NRG1: variants seen among roughly 807,000 people sequenced by gnomAD.
The protein encoded by NRG1 is neuregulin 1.
A neutral mutation model predicts 63.8 loss-of-function variants in NRG1; 18 were observed. The observed-to-expected ratio is 0.28, with a 90% CI of 0.19 to 0.42. NRG1 has a LOEUF of 0.42. NRG1 is among the 10% of genes least tolerant of loss of function. The pLI, the probability that NRG1 is intolerant of heterozygous loss-of-function variation, is 1.00. For missense variants in NRG1, 762 were observed against 814.7 expected (o/e 0.94, Z 0.79); for synonymous variants, 302 against 301.3 (o/e 1.00, Z -0.02).
chr8:32,384,056 G>A (rs1228155270), intron 1 of NRG1, among the ~76,000 whole-genome samples: 1 of 152,118 alleles, frequency 6.6e-6, no homozygotes, highest in Non-Finnish European at 1.5e-5. Flanking sequence ...GCAACATAGG[G>A]AGAACTTGTC....
rs542481707 is a variant in NRG1 at position 32,559,602 on chromosome 8, T to C, written c.100+10776T>C. ...TCTTTTCAATTAGATTCAAAAAGTA[T>C]CAATACATTATTATACTTTAAATTG... On this transcript the variant is annotated intron_variant, in intron 1 of 11. Coordinates refer to ENST00000356819, the Ensembl canonical transcript of NRG1. Among the ~76,000 whole-genome samples, 4 of 152,284 alleles carry C rather than the reference T, an allele frequency of 2.6e-5. No homozygotes were observed. In the South Asian group the frequency reaches 8.3e-4, roughly 32 times the overall value.
intron 1 of NRG1, among the ~76,000 whole-genome samples, chr8:32,429,631 T>G (rs1052475812): frequency 2.0e-5 from 3 of 152,198 alleles, no homozygotes; most frequent in African/African-American, 7.2e-5. Context: ...TTTGAATAAT[T>G]TTTCCTCCTT....
chr8:32,177,625 T>C (rs1279609615), intron 1 of NRG1, among the ~76,000 whole-genome samples: 2 of 151,934 alleles, frequency 1.3e-5, no homozygotes, highest in Admixed American at 1.3e-4. Context: ...CTCCCACTTA[T>C]GAGTGAGAAC....
chr8:32,429,668 C>T (rs748627265), intron 1 of NRG1, among the ~76,000 whole-genome samples: 3 of 152,062 alleles, frequency 2.0e-5, no homozygotes, highest in Non-Finnish European at 2.9e-5. Flanking sequence ...TTGATACTTA[C>T]GCATGGGCAA....
Position 32,462,931 on chromosome 8 carries a change from A to G in NRG1, c.38-132897A>G, listed in dbSNP as rs940005541. ...GACATACAGATTCTACATGATTACA[A>G]GTTTGTTCCCTCTCATCTACTTTCC... On this transcript the variant is annotated intron_variant, in intron 1 of 10. Transcript: ENST00000519301. Among the ~76,000 whole-genome samples, 16 of 151,710 alleles carry G rather than the reference A, an allele frequency of 1.1e-4. 1 individual carries two copies. The highest frequency in any genetic ancestry group is 1.5e-4 in the Non-Finnish European group (10 of 67,918).
chr8:31,649,713 T>C (rs1342940137), intron 1 of NRG1, among the ~76,000 whole-genome samples: 1 of 152,202 alleles, frequency 6.6e-6, no homozygotes, highest in African/African-American at 2.4e-5. Flanking sequence ...CAATGAAAGA[T>C]GTAAAGAATA....
chr8:32,471,247 A>G (rs1163830786), intron 1 of NRG1, among the ~76,000 whole-genome samples: 1 of 152,246 alleles, frequency 6.6e-6, no homozygotes, highest in Non-Finnish European at 1.5e-5. Context: ...TGTTTCAACA[A>G]CAATAAGATT....
intron 1 of NRG1, among the ~76,000 whole-genome samples, chr8:31,972,168 C>T (rs1586174811): frequency 6.6e-6 from 1 of 152,176 alleles, no homozygotes; most frequent in Non-Finnish European, 1.5e-5. Context: ...TCAGAGGCTT[C>T]TCCCCTTGAG....
At chr8:32,548,136 C>T, upstream of NRG1, 6 of 826,346 alleles carry the variant, frequency 7.3e-6, no homozygotes, top group Non-Finnish European at 8.8e-6. Context: ...CGCCCGGGAG[C>T]GCCGAGCCCA....
chr8:32,106,130 T>C lies in NRG1; in HGVS notation c.37+466699T>C, dbSNP rs114788545. ...AACAAACAGATGACTGCTTTAGACA[T>C]ATTTGGTCTGTAAACACCTGTGGAA... On this transcript the variant is annotated intron_variant, in intron 1 of 10. Coordinates refer to the NRG1 transcript ENST00000519301. Among the ~76,000 whole-genome samples the C allele has an allele frequency of 6.7e-3, 1,027 of 152,322 alleles. 10 individuals carry two copies. The highest frequency in any genetic ancestry group is 0.021 in the African/African-American group (890 of 41,574).
chr8:32,317,449 G>C (rs1857532462), intron 1 of NRG1, among the ~76,000 whole-genome samples: 2 of 152,176 alleles, frequency 1.3e-5, no homozygotes, highest in South Asian at 4.1e-4. Context: ...CGAGGAAGAA[G>C]AATTTTCTCA....
chr8:32,759,125 T>C (rs1050024193), intron 9 of NRG1, among the ~76,000 whole-genome samples, 181 bp from the exon 10 acceptor site: 2 of 152,136 alleles, frequency 1.3e-5, no homozygotes, highest in Non-Finnish European at 2.9e-5. Flanking sequence ...AAAGCCACAG[T>C]AGCCAGGACA....
At chr8:32,036,400 A>G (rs192350405) in intron 1 of NRG1, among the ~76,000 whole-genome samples, 113 of 152,126 alleles carry the variant, frequency 7.4e-4, no homozygotes, top group Non-Finnish European at 3.5e-4. Flanking sequence ...TCTAATGACT[A>G]TGTGTCTTGG....
chr8:31,674,972 G>T (rs1404359754), intron 1 of NRG1, among the ~76,000 whole-genome samples: 1 of 152,188 alleles, frequency 6.6e-6, no homozygotes, highest in Non-Finnish European at 1.5e-5. Context: ...AGAGGTGGAG[G>T]CCCAGCCTGA....
At chr8:32,064,590 A>T (rs1297978708) in intron 1 of NRG1, among the ~76,000 whole-genome samples, 1 of 152,152 alleles carries the variant, frequency 6.6e-6, no homozygotes, top group African/African-American at 2.4e-5. Context: ...TATTATTAAC[A>T]GCTTGGTAAG....
intron 1 of NRG1, among the ~76,000 whole-genome samples, chr8:32,039,844 C>A (rs1360448329): frequency 6.6e-6 from 1 of 151,676 alleles, no homozygotes; most frequent in African/African-American, 2.4e-5. Context: ...TAAACCAAGA[C>A]CTTATCGCTA....
intron 1 of NRG1, among the ~76,000 whole-genome samples, chr8:31,830,639 C>T (rs1825053115): frequency 6.6e-6 from 1 of 152,118 alleles, no homozygotes; most frequent in Non-Finnish European, 1.5e-5. Flanking sequence ...GGCCTTGGCT[C>T]TATTCTCAGC....
rs1823998970 is a variant in NRG1 at position 32,472,635 on chromosome 8, ACT to A, written c.38-123190_38-123189del. Among the ~76,000 whole-genome samples the A allele has an allele frequency of 2.6e-5, 4 of 152,160 alleles. No individual in the cohort carries two copies. In the South Asian group the frequency reaches 8.3e-4, roughly 32 times the overall value. On this transcript the variant is annotated intron_variant, in intron 1 of 10. Transcript: ENST00000519301. ...GTCTTCTACAAGTCCTGTTTTGGTG[ACT>A]CTGAGCAAGTCTTAACCTTGCCTAC... is the stretch of plus-strand genomic sequence containing the variant.
Position 32,686,928 on chromosome 8 carries a change from G to A in NRG1, c.503-41021G>A, listed in dbSNP as rs375378848. Among the ~76,000 whole-genome samples, 5 of 152,216 alleles carry A rather than the reference G, an allele frequency of 3.3e-5. No individual in the cohort carries two copies. The East Asian group carries it at 5.8e-4, about 18-fold the overall frequency. The stretch of plus-strand genomic sequence containing the variant: ...GGAGGTGTAGCCTGCTAGCATTGAA[G>A]TTAGGAACTGATTTGAATTAACCCA... On this transcript the variant is annotated intron_variant, in intron 5 of 11. Coordinates refer to ENST00000356819, the Ensembl canonical transcript of NRG1.
Sources: gnomAD v4.1 joint callset for allele counts (sites outside exome capture counted in the v4.1 genomes callset) on GRCh38, gnomAD v4.1.1 for gene constraint, MANE v1.5 for transcripts, NCBI Gene and HGNC (gene_info 2026-07-23, HGNC 2026-07-21) for gene names.